PLEKHM3: variants seen among roughly 807,000 people sequenced by gnomAD.
The protein encoded by PLEKHM3 is pleckstrin homology domain containing M3.
Under a neutral mutation model 81.8 loss-of-function variants are expected in PLEKHM3, and 45 were observed. The ratio of observed to expected loss-of-function variants is 0.55; its 90% confidence interval spans 0.43 to 0.71. The LOEUF (loss-of-function observed/expected upper bound fraction) is 0.71. Among genes scored for constraint, PLEKHM3 ranks in the 30% least tolerant of loss-of-function variants. The probability of loss-of-function intolerance (pLI) is 0.00; values close to 1 mark genes in which losing one functional copy is unlikely to be tolerated. For missense variants in PLEKHM3, 788 were observed against 924.3 expected (o/e 0.85, Z 1.91); for synonymous variants, 352 against 356.4 (o/e 0.99, Z 0.14).
At chr2:207,829,887 T>C (rs751567715) in intron 7 of PLEKHM3, among the ~76,000 whole-genome samples, 28 of 152,164 alleles carry the variant, frequency 1.8e-4, no homozygotes, top group East Asian at 3.9e-4. Flanking sequence ...GGGGGCATTA[T>C]CTCCTAGTCT....
At chr2:207,925,356 C>T (rs1445895890) in intron 5 of PLEKHM3, among the ~76,000 whole-genome samples, 1 of 152,146 alleles carries the variant, frequency 6.6e-6, no homozygotes, top group Non-Finnish European at 1.5e-5. Context: ...GAATCCCAGG[C>T]TCTTGGATGC....
At chr2:207,947,789 AAGG>A (rs1690184789) in intron 3 of PLEKHM3, among the ~76,000 whole-genome samples, 1 of 152,180 alleles carries the variant, frequency 6.6e-6, no homozygotes, top group South Asian at 2.1e-4. Context: ...TTTCCATTAC[AAGG>A]AGGTCAAATA....
At chr2:207,919,952 A>G (rs1159486363) in intron 5 of PLEKHM3, among the ~76,000 whole-genome samples, 1 of 150,360 alleles carries the variant, frequency 6.7e-6, no homozygotes, top group Non-Finnish European at 1.5e-5. Context: ...CTGTCAGGAC[A>G]GACACACACA....
intron 5 of PLEKHM3, among the ~76,000 whole-genome samples, chr2:207,926,911 A>G (rs1338964893): frequency 6.6e-6 from 1 of 152,188 alleles, no homozygotes; most frequent in African/African-American, 2.4e-5. Flanking sequence ...CGCTAATACA[A>G]TTAATCAGTC....
chr2:207,861,393 G>A, intron 6 of PLEKHM3, 131 bp from the exon 7 acceptor site: 1 of 1,071,562 alleles, frequency 9.3e-7, no homozygotes, highest in Non-Finnish European at 1.3e-6. Flanking sequence ...CAGCAACTCT[G>A]AGGAAGAAAA....
chr2:207,955,949 A>C (rs1197575254), intron 3 of PLEKHM3, among the ~76,000 whole-genome samples: 3 of 152,210 alleles, frequency 2.0e-5, no homozygotes, highest in African/African-American at 7.2e-5. Context: ...GGAAGCAATC[A>C]CTATTGTGGA....
chr2:207,968,641 G>A (rs1442654982), intron 3 of PLEKHM3, among the ~76,000 whole-genome samples: 1 of 152,208 alleles, frequency 6.6e-6, no homozygotes, highest in Non-Finnish European at 1.5e-5. Context: ...GCCTGTCAGA[G>A]TGGGTGTAGC....
intron 3 of PLEKHM3, among the ~76,000 whole-genome samples, chr2:207,966,975 C>T (rs1055238345): frequency 2.6e-5 from 4 of 151,900 alleles, no homozygotes; most frequent in African/African-American, 7.3e-5. Flanking sequence ...AAAAGCTTTC[C>T]TTTTCTTTCT....
intron 5 of PLEKHM3, among the ~76,000 whole-genome samples, chr2:207,911,822 G>A: frequency 6.6e-6 from 1 of 152,168 alleles, no homozygotes; most frequent in East Asian, 1.9e-4. Flanking sequence ...TAGGTCAGCT[G>A]GAGAAAGAGT....
chr2:207,883,554 T>C (rs924200177), intron 6 of PLEKHM3, among the ~76,000 whole-genome samples: 15 of 152,242 alleles, frequency 9.9e-5, no homozygotes, highest in African/African-American at 1.9e-4. Context: ...CATTTCTTTA[T>C]ATAGTGAGCA....
rs551045636 is a variant in PLEKHM3, at chr2:207,959,238, C to A, written c.1547-12726G>T. ...TGAACACTTTTGCCTCACAGAGAAT[C>A]CAATGTATGCTGCACTTAACATTTT... On this transcript the variant is annotated intron_variant, in intron 3 of 7. Coordinates refer to ENST00000427836, the MANE Select transcript of PLEKHM3 (RefSeq NM_001080475.3). 2.0e-5 allele frequency among the ~76,000 whole-genome samples: 3 copies of A among 152,300 alleles called. No individual in the cohort carries two copies. In the South Asian group the frequency reaches 6.2e-4, roughly 32 times the overall value.
At chr2:207,844,569 G>C (rs2092373339) in intron 7 of PLEKHM3, among the ~76,000 whole-genome samples, 1 of 151,970 alleles carries the variant, frequency 6.6e-6, no homozygotes, top group Non-Finnish European at 1.5e-5. Context: ...GCCTCCCAAA[G>C]TGCTGGGATT....
intron 2 of PLEKHM3, among the ~76,000 whole-genome samples, chr2:207,984,261 T>C (rs1326555991): frequency 6.6e-6 from 1 of 152,242 alleles, no homozygotes; most frequent in Non-Finnish European, 1.5e-5. Flanking sequence ...CTGTAAATAC[T>C]TCAGGGTATA....
intron 2 of PLEKHM3, among the ~76,000 whole-genome samples, chr2:207,986,746 C>T (rs556117436): frequency 6.6e-6 from 1 of 151,056 alleles, no homozygotes; most frequent in South Asian, 2.1e-4. Flanking sequence ...TCATGGCTCA[C>T]GGCAGCATCA....
intron 7 of PLEKHM3, chr2:207,851,867 A>G (rs1325880953): frequency 6.6e-6 from 1 of 152,004 alleles, no homozygotes; most frequent in Non-Finnish European, 1.5e-5. Context: ...TGCCTATGGA[A>G]GTCTAATTTA....
chr2:207,989,123 T>C (rs1295369287), intron 2 of PLEKHM3, among the ~76,000 whole-genome samples: 1 of 152,218 alleles, frequency 6.6e-6, no homozygotes, highest in African/African-American at 2.4e-5. Context: ...CTCTCCTTCC[T>C]GAATACCAGA....
chr2:207,885,638 C>T (rs1159830754), intron 6 of PLEKHM3, among the ~76,000 whole-genome samples: 1 of 152,154 alleles, frequency 6.6e-6, no homozygotes, highest in Non-Finnish European at 1.5e-5. Context: ...TTAGGTTTTT[C>T]TCAACTGTGC....
At position 207,850,865 on chromosome 2, in the gene PLEKHM3, C is replaced by A. The variant is rs73062870; in HGVS notation, c.2108+10240G>T. 4.8e-3 allele frequency among the ~76,000 whole-genome samples: 733 copies of A among 152,250 alleles called. 8 individuals carry two copies. The highest frequency in any genetic ancestry group is 0.017 in the African/African-American group (708 of 41,560). ...GATTTGTAATTCTTAAAAGTTAGAG[C>A]CCTTCCTGGCCAGGCACAGTGGCTC... On this transcript the variant is annotated intron_variant, in intron 7 of 7. Transcript: ENST00000427836.
intron 6 of PLEKHM3, among the ~76,000 whole-genome samples, chr2:207,877,340 C>T (rs1483605449): frequency 6.6e-6 from 1 of 152,182 alleles, no homozygotes. Flanking sequence ...CTTTCCCATG[C>T]TAGCTTCTCT....
Sources: allele counts gnomAD v4.1 joint callset (sites outside exome capture counted in the v4.1 genomes callset), GRCh38; gene constraint gnomAD v4.1.1; transcripts MANE v1.5; gene names NCBI Gene and HGNC (gene_info 2026-07-23, HGNC 2026-07-21).